Variants in RCOR1 observed in about 807,000 individuals in gnomAD.
RCOR1 encodes REST corepressor 1, also known as REST corepressor.
In RCOR1, 12 loss-of-function variants were observed where a neutral mutation model predicts 64.0. That is an observed-to-expected ratio of 0.19 (90% confidence interval 0.12 to 0.30). The LOEUF is 0.30. Ranked by LOEUF, RCOR1 falls within the 10% of genes least tolerant of loss-of-function variation. The probability of loss-of-function intolerance (pLI) is 1.00; values close to 1 mark genes in which losing one functional copy is unlikely to be tolerated. For missense variants in RCOR1, 502 were observed against 621.2 expected (o/e 0.81, Z 2.04); for synonymous variants, 279 against 227.2 (o/e 1.23, Z -2.05).
At chr14:102,699,889 C>T (rs1943157848) in intron 3 of RCOR1, among the ~76,000 whole-genome samples, 1 of 151,882 alleles carries the variant, frequency 6.6e-6, no homozygotes, top group Non-Finnish European at 1.5e-5. Context: ...CTAGAATATC[C>T]TCAGGGAGGA....
Position 102,729,867 on chromosome 14 carries a change from CTT to C in RCOR1, c.*3362_*3363del, listed in dbSNP as rs1232761664. The C allele has an allele frequency of 5.8e-5, 23 of 399,058 alleles. No individual in the cohort carries two copies. Among genetic ancestry groups the C allele is most frequent in the African/African-American group, 6.2e-5 (3 of 48,758 alleles). The allele number at this position is 399,058 out of a possible 1,614,324, so 24.7% of individuals were successfully genotyped here. On this transcript the variant is annotated 3_prime_UTR_variant, in exon 12 of 12. Transcript: ENST00000262241. ...CTCCAACGAGGGCCTCTTTTTCTCT[CTT>C]GTCTAGCCTGTTTCTAAACCGAATG...
chr14:102,667,837 T>A (rs528377762), intron 2 of RCOR1, among the ~76,000 whole-genome samples: 40 of 152,232 alleles, frequency 2.6e-4, no homozygotes, highest in Non-Finnish European at 4.7e-4. Flanking sequence ...ATAGTGTTAA[T>A]TTTTTTAGGT....
rs112381428 is a variant in RCOR1 at position 102,682,416 on chromosome 14, C to T, written c.445+438C>T. On this transcript the variant is annotated intron_variant, in intron 3 of 11. Coordinates refer to ENST00000262241, the MANE Select transcript of RCOR1 (RefSeq NM_015156.4). ...AAATGTTGGGATTACAGGTGTGAGC[C>T]ACTGCGCCCTGTGATCTGTTCCATT... 4.1e-3 allele frequency among the ~76,000 whole-genome samples: 626 copies of T among 152,344 alleles called. 1 individual carries two copies. Among genetic ancestry groups the T allele is most frequent in the Non-Finnish European group, 7.3e-3 (499 of 68,032 alleles).
At chr14:102,656,162 CAG>C (rs533160598) in intron 2 of RCOR1, 6 of 954,920 alleles carry the variant, frequency 6.3e-6, no homozygotes, top group Non-Finnish European at 6.2e-6. Context: ...TTTTTGGAGA[CAG>C]AGTCTCGCTG....
chr14:102,634,066 A>G (rs1894182321), intron 2 of RCOR1, among the ~76,000 whole-genome samples: 1 of 151,788 alleles, frequency 6.6e-6, no homozygotes, highest in Non-Finnish European at 1.5e-5. Context: ...GAAACATGTT[A>G]CTCTTGTTCA....
intron 6 of RCOR1, among the ~76,000 whole-genome samples, chr14:102,710,220 C>T (rs573978455): frequency 3.3e-5 from 5 of 152,260 alleles, no homozygotes; most frequent in Admixed American, 1.3e-4. Context: ...AGAGGCAGTG[C>T]GAGGTGGGCA....
intron 2 of RCOR1, among the ~76,000 whole-genome samples, chr14:102,614,952 C>G (rs4509953): frequency 0.64 from 97,175 of 150,896 alleles, 32,160 homozygotes; most frequent in South Asian, 0.73. Flanking sequence ...CTGCCTCAGC[C>G]TCCCGAGTAG....
At chr14:102,708,198 C>T (rs1895893005) in intron 5 of RCOR1, among the ~76,000 whole-genome samples, 1 of 152,168 alleles carries the variant, frequency 6.6e-6, no homozygotes, top group Non-Finnish European at 1.5e-5. Context: ...ATCTCTTGAC[C>T]TCGTGATCCA....
intron 2 of RCOR1, among the ~76,000 whole-genome samples, chr14:102,624,892 T>C (rs1893950363): frequency 6.6e-6 from 1 of 152,174 alleles, no homozygotes; most frequent in Non-Finnish European, 1.5e-5. Context: ...TTGTTTTTTC[T>C]GGAAGTCTTC....
intron 2 of RCOR1, among the ~76,000 whole-genome samples, chr14:102,674,391 C>CA (rs1244932178): frequency 6.6e-6 from 1 of 152,188 alleles, no homozygotes; most frequent in East Asian, 1.9e-4. Context: ...CAGAGACTTT[C>CA]AGACTTTAAA....
intron 2 of RCOR1, among the ~76,000 whole-genome samples, chr14:102,604,985 C>A (rs1893474094): frequency 6.7e-6 from 1 of 148,772 alleles, no homozygotes; most frequent in Non-Finnish European, 1.5e-5. Flanking sequence ...GCGAGAATTG[C>A]CTGAACCTGG....
At chr14:102,694,845 G>C (rs921864271) in intron 3 of RCOR1, among the ~76,000 whole-genome samples, 2 of 152,208 alleles carry the variant, frequency 1.3e-5, no homozygotes, top group African/African-American at 4.8e-5. Context: ...ATTTGTTACT[G>C]TATTTTTAAA....
chr14:102,601,718 C>T (rs1213568169), intron 2 of RCOR1, among the ~76,000 whole-genome samples: 1 of 152,164 alleles, frequency 6.6e-6, no homozygotes, highest in Non-Finnish European at 1.5e-5. Context: ...TGTGTTCAGT[C>T]ATTGGCTGGG....
intron 2 of RCOR1, among the ~76,000 whole-genome samples, chr14:102,671,088 T>C (rs143465047): frequency 1.0e-3 from 152 of 152,316 alleles, no homozygotes; most frequent in African/African-American, 3.4e-3. Flanking sequence ...CTTATAATTA[T>C]TGATAGCAAG....
chr14:102,664,582 A>G (rs539364268), intron 2 of RCOR1, among the ~76,000 whole-genome samples: 1 of 152,356 alleles, frequency 6.6e-6, no homozygotes, highest in Admixed American at 6.5e-5. Flanking sequence ...GTGGCATTCC[A>G]GAGATCAGGT....
chr14:102,649,394 T>C (rs1265717430), intron 2 of RCOR1, among the ~76,000 whole-genome samples: 5 of 152,186 alleles, frequency 3.3e-5, no homozygotes, highest in Admixed American at 6.5e-5. Context: ...AGTATGCATT[T>C]TGGGTACCAG....
At position 102,704,629 on chromosome 14, in the gene RCOR1, A is replaced by G. The variant is rs905583105; in HGVS notation, c.499-2722A>G. On this transcript the variant is annotated intron_variant, in intron 4 of 11. Transcript: ENST00000262241. ...GTATTTTTAGTAGAGACAGGGTTTCACCATGTTGGTCAGGCTGGTCTCGAA... is the reference window on the plus strand; with the variant it reads ...GTATTTTTAGTAGAGACAGGGTTTCGCCATGTTGGTCAGGCTGGTCTCGAA... 4.6e-5 allele frequency among the ~76,000 whole-genome samples: 7 copies of G among 152,272 alleles called. 1 individual carries two copies. Among genetic ancestry groups the G allele is most frequent in the Middle Eastern group, 6.8e-3 (2 of 294 alleles).
chr14:102,643,843 A>G (rs983853313), intron 2 of RCOR1, among the ~76,000 whole-genome samples: 1 of 152,198 alleles, frequency 6.6e-6, no homozygotes, highest in Non-Finnish European at 1.5e-5. Context: ...TCATTCCAGA[A>G]TTCTTAATAG....
At chr14:102,679,309 T>TA (rs953891784) in intron 2 of RCOR1, among the ~76,000 whole-genome samples, 2 of 151,700 alleles carry the variant, frequency 1.3e-5, no homozygotes, top group Non-Finnish European at 2.9e-5. Flanking sequence ...CAAATTTTTT[T>TA]AAAAAAATGT....
Sources: gnomAD v4.1 joint callset for allele counts (sites outside exome capture counted in the v4.1 genomes callset) on GRCh38, gnomAD v4.1.1 for gene constraint, MANE v1.5 for transcripts, NCBI Gene and HGNC (gene_info 2026-07-23, HGNC 2026-07-21) for gene names.